RBFOX1: variants seen among roughly 807,000 people sequenced by gnomAD.
RBFOX1 encodes the protein RNA binding fox-1 homolog 1, also known as RNA binding protein fox-1 homolog 1.
Under a neutral mutation model 57.7 loss-of-function variants are expected in RBFOX1, and 8 were observed. The observed-to-expected ratio is 0.14, with a 90% CI of 0.08 to 0.25. The LOEUF is 0.25. Ranked by LOEUF, RBFOX1 falls within the 10% of genes least tolerant of loss-of-function variation. The probability of loss-of-function intolerance (pLI) is 1.00; values close to 1 mark genes in which losing one functional copy is unlikely to be tolerated. For missense variants in RBFOX1, 611 were observed against 548.5 expected, an observed-to-expected ratio of 1.11 and a Z score of -1.14; for synonymous variants, 326 against 222.4, an observed-to-expected ratio of 1.47 and a Z score of -4.15.
chr16:7,562,173 T>G (rs375677653), intron 5 of RBFOX1, among the ~76,000 whole-genome samples: 8 of 152,284 alleles, frequency 5.3e-5, no homozygotes, highest in East Asian at 1.9e-4. Context: ...TTTGACATGT[T>G]CCCAAAATTA....
chr16:6,830,437 G>A lies in RBFOX1; in HGVS notation c.-16+175787G>A, dbSNP rs1348581302. Among the ~76,000 whole-genome samples the A allele has an allele frequency of 2.6e-5, 4 of 152,222 alleles. No homozygotes were observed. In the South Asian group the frequency reaches 6.2e-4, roughly 24 times the overall value. On this transcript the variant is annotated intron_variant, in intron 3 of 15. Coordinates refer to ENST00000550418, the MANE Select transcript of RBFOX1 (RefSeq NM_018723.4). ...GATCAATGAAGAAAAATGTCACAGGGACCGTAAGAGGAAGACCTTAGAAAA... is the reference window on the plus strand; with the variant it reads ...GATCAATGAAGAAAAATGTCACAGGAACCGTAAGAGGAAGACCTTAGAAAA...
At chr16:6,524,681 A>G (rs1396099984) in intron 2 of RBFOX1, among the ~76,000 whole-genome samples, 1 of 152,192 alleles carries the variant, frequency 6.6e-6, no homozygotes. Flanking sequence ...TCTGAAATCA[A>G]GATGTCTGCT....
At chr16:7,102,927 C>A (rs1370391105) in intron 4 of RBFOX1, among the ~76,000 whole-genome samples, 2 of 152,024 alleles carry the variant, frequency 1.3e-5, no homozygotes, top group Admixed American at 6.6e-5. Flanking sequence ...GTTTACTAAA[C>A]CTTCACATGG....
chr16:5,820,855 C>T (rs2055823440), intron 3 of RBFOX1, among the ~76,000 whole-genome samples: 2 of 152,162 alleles, frequency 1.3e-5, no homozygotes, highest in Non-Finnish European at 2.9e-5. Flanking sequence ...GAAATTTCAT[C>T]TCAATTTCGG....
chr16:5,444,154 A>G (rs10163214), intron 1 of RBFOX1, among the ~76,000 whole-genome samples: 49,093 of 152,044 alleles, frequency 0.32, 8,893 homozygotes, highest in East Asian at 0.51. Context: ...AGAGGCTGGA[A>G]CATGTTTTGT....
At chr16:7,206,635 T>A (rs540388099) in intron 4 of RBFOX1, among the ~76,000 whole-genome samples, 1 of 152,174 alleles carries the variant, frequency 6.6e-6, no homozygotes, top group South Asian at 2.1e-4. Flanking sequence ...AAGAATGCTG[T>A]CTTATCCCTC....
At chr16:5,867,198 C>T in intron 3 of RBFOX1, 1 of 695,504 alleles carries the variant, frequency 1.4e-6, no homozygotes, top group Non-Finnish European at 2.0e-6. Flanking sequence ...CCTTTGTCCC[C>T]TCGGGTCATA....
intron 2 of RBFOX1, among the ~76,000 whole-genome samples, chr16:6,417,186 A>AT (rs1421508791): frequency 2.0e-5 from 3 of 151,342 alleles, no homozygotes; most frequent in Non-Finnish European, 4.4e-5. Flanking sequence ...AAACTTTTGT[A>AT]TTTTTAGTAG....
At position 7,711,024 on chromosome 16, in the gene RBFOX1, A is replaced by AT. The variant is rs1356139536; in HGVS notation, c.*279_*280insT. On this transcript the variant is annotated 3_prime_UTR_variant, in exon 16 of 16. Coordinates refer to ENST00000550418, the MANE Select transcript of RBFOX1 (RefSeq NM_018723.4). ...TAGACAGATGCTAGATAATGAATAA[A>AT]AACTGGTTTAGGGCCATATCCAGAG... 6.5e-6 allele frequency: 2 copies of AT among 306,786 alleles called. No individual in the cohort carries two copies. Among genetic ancestry groups the AT allele is most frequent in the African/African-American group, 4.3e-5 (2 of 46,440 alleles). The allele number at this position is 306,786 out of a possible 1,614,324, so 19.0% of individuals were successfully genotyped here.
chr16:6,403,612 C>A (rs1193062965), intron 2 of RBFOX1, among the ~76,000 whole-genome samples: 1 of 152,100 alleles, frequency 6.6e-6, no homozygotes, highest in Admixed American at 6.5e-5. Flanking sequence ...GTCTTGACCT[C>A]CCAAAATGCT....
intron 1 of RBFOX1, among the ~76,000 whole-genome samples, chr16:5,428,087 T>C (rs899724523): frequency 1.3e-5 from 2 of 151,810 alleles, no homozygotes; most frequent in Admixed American, 6.6e-5. Context: ...AAAGCACCCC[T>C]GGGGGTGGCT....
chr16:6,080,007 A>C (rs1159390876), intron 1 of RBFOX1, among the ~76,000 whole-genome samples: 1 of 152,236 alleles, frequency 6.6e-6, no homozygotes, highest in Admixed American at 6.5e-5. Context: ...ACCATGTAAC[A>C]ATCCTCCTAA....
Position 6,585,545 on chromosome 16 carries a change from G to A in RBFOX1, c.-63-69058G>A, listed in dbSNP as rs116318219. Among the ~76,000 whole-genome samples the A allele has an allele frequency of 4.0e-3, 615 of 152,250 alleles. 4 individuals carry two copies. The highest frequency in any genetic ancestry group is 0.014 in the African/African-American group (589 of 41,544). ...TGTTTTGCAAGGTCCTTGCCTCTGT[G>A]ACTTTGAGATCTGTTTAATTCACTG... On this transcript the variant is annotated intron_variant, in intron 2 of 15. Coordinates refer to ENST00000550418, the MANE Select transcript of RBFOX1 (RefSeq NM_018723.4).
intron 1 of RBFOX1, among the ~76,000 whole-genome samples, chr16:6,235,821 A>G (rs1458031427): frequency 1.3e-5 from 2 of 152,128 alleles, no homozygotes; most frequent in Non-Finnish European, 2.9e-5. Flanking sequence ...ATGCAAAGGC[A>G]CAAGAATGAT....
chr16:6,120,754 ACTCAGATCTGTCCCT>A (rs1332553286), intron 1 of RBFOX1, among the ~76,000 whole-genome samples: 7 of 152,080 alleles, frequency 4.6e-5, no homozygotes, highest in African/African-American at 1.4e-4. Flanking sequence ...CCTTTTAGCA[ACTCAGATCTGTCCCT>A]GCGTTTCTCC....
intron 1 of RBFOX1, among the ~76,000 whole-genome samples, chr16:6,027,704 A>G (rs376289102): frequency 1.3e-5 from 2 of 152,278 alleles, no homozygotes; most frequent in African/African-American, 4.8e-5. Context: ...GATAATAATG[A>G]TATCATTATT....
rs146638026 is a variant in RBFOX1 at position 7,126,095 on chromosome 16, G to C, written c.27+73997G>C. On this transcript the variant is annotated intron_variant, in intron 4 of 15. Coordinates refer to ENST00000550418, the MANE Select transcript of RBFOX1 (RefSeq NM_018723.4). ...CGGACTCCATCTCCCCCCACCAAAA[G>C]AATAAAAAATAAAAAAGTTTACATG... Among the ~76,000 whole-genome samples, 3 of 152,088 alleles carry C rather than the reference G, an allele frequency of 2.0e-5. No homozygotes were observed. In the East Asian group the frequency reaches 5.8e-4, roughly 29 times the overall value.
At chr16:7,283,689 G>T (rs1202572046) in intron 4 of RBFOX1, among the ~76,000 whole-genome samples, 1 of 152,038 alleles carries the variant, frequency 6.6e-6, no homozygotes, top group Non-Finnish European at 1.5e-5. Flanking sequence ...TCATATTGTT[G>T]CTTCTTAGGG....
At chr16:6,580,089 G>C (rs533855973) in intron 2 of RBFOX1, among the ~76,000 whole-genome samples, 112 of 152,182 alleles carry the variant, frequency 7.4e-4, no homozygotes, top group African/African-American at 2.0e-3. Flanking sequence ...CTCCCAGGTA[G>C]CTGGGATTAC....
Sources: allele counts gnomAD v4.1 joint callset (sites outside exome capture counted in the v4.1 genomes callset), GRCh38; gene constraint gnomAD v4.1.1; transcripts MANE v1.5; gene names NCBI Gene and HGNC (gene_info 2026-07-23, HGNC 2026-07-21).